Variants in PCGF3 observed in about 807,000 individuals in gnomAD.
PCGF3 encodes the protein polycomb group RING finger protein 3.
In PCGF3, 7 loss-of-function variants were observed where a neutral mutation model predicts 33.1. The observed-to-expected ratio is 0.21, with a 90% CI of 0.12 to 0.40. The LOEUF (loss-of-function observed/expected upper bound fraction) is 0.40. Ranked by LOEUF, PCGF3 falls within the 10% of genes least tolerant of loss-of-function variation. The pLI, the probability that PCGF3 is intolerant of heterozygous loss-of-function variation, is 1.00. For missense variants in PCGF3, 211 were observed against 313.3 expected (o/e 0.67, Z 2.46); for synonymous variants, 153 against 121.3 (o/e 1.26, Z -1.72).
At position 736,186 on chromosome 4, in the gene PCGF3, T is replaced by TA. The variant is rs1373435598; in HGVS notation, c.206+1160dup. On this transcript the variant is annotated intron_variant, in intron 5 of 10. Coordinates refer to ENST00000362003, the Ensembl canonical transcript of PCGF3. Reference sequence around the variant, plus strand: ...CCTCAGCCTCCCGAGTAGCTGGAATTACAGGCGCATGTCACCACGCCCAGC... The same window carrying TA: ...CCTCAGCCTCCCGAGTAGCTGGAATTAACAGGCGCATGTCACCACGCCCAGC... 2.0e-5 allele frequency among the ~76,000 whole-genome samples: 3 copies of TA among 152,216 alleles called. No homozygotes were observed. The East Asian group carries it at 5.8e-4, about 29-fold the overall frequency.
chr4:711,447 T>C (rs926267593), intron 1 of PCGF3, among the ~76,000 whole-genome samples: 1 of 91,500 alleles, frequency 1.1e-5, no homozygotes, highest in Admixed American at 1.1e-4. Flanking sequence ...ATTTTTCTTT[T>C]TTTTTTCTTT....
intron 1 of PCGF3, among the ~76,000 whole-genome samples, chr4:707,371 A>T (rs1228074968): frequency 6.6e-6 from 1 of 152,198 alleles, no homozygotes; most frequent in East Asian, 1.9e-4. Flanking sequence ...CATGACCATA[A>T]TTCAGGAGGA....
At chr4:766,309 C>A in exon 11 of PCGF3, 1 of 481,254 alleles carries the variant, frequency 2.1e-6, no homozygotes. Flanking sequence ...CTCTCCCCCG[C>A]CCCACCCCGT....
chr4:733,303 G>T (rs539510345), intron 3 of PCGF3, among the ~76,000 whole-genome samples: 1 of 152,366 alleles, frequency 6.6e-6, no homozygotes, highest in South Asian at 2.1e-4. Context: ...CTCTGCCTTC[G>T]CGGGCTCCTC....
chr4:733,943 C>G, intron 4 of PCGF3, 154 bp downstream of exon 4: 1 of 1,554,444 alleles, frequency 6.4e-7, no homozygotes. Context: ...GAAGATAAGT[C>G]AGAAAAGTCA....
chr4:727,012 C>T (rs1449165332), intron 1 of PCGF3, among the ~76,000 whole-genome samples: 3 of 152,130 alleles, frequency 2.0e-5, no homozygotes, highest in East Asian at 3.9e-4. Context: ...AACGTGTGTG[C>T]GCTCCTGCGT....
At position 728,222 on chromosome 4, in the gene PCGF3, G is replaced by A. The variant is rs527763036; in HGVS notation, c.-189-2408G>A. Among the ~76,000 whole-genome samples the A allele has an allele frequency of 2.0e-5, 3 of 152,266 alleles. No individual in the cohort carries two copies. The South Asian group carries it at 6.2e-4, about 32-fold the overall frequency. ...CAGTCAACACAGATTGAAAATGTTT[G>A]GGAACCAAAACAATAACAAATAACA... On this transcript the variant is annotated intron_variant, in intron 1 of 10. Coordinates refer to ENST00000362003, the Ensembl canonical transcript of PCGF3.
exon 11 of PCGF3, chr4:768,235 T>A (rs1745465723): frequency 6.6e-6 from 1 of 152,652 alleles, no homozygotes; most frequent in Non-Finnish European, 1.5e-5. Flanking sequence ...GAAGTCCCTA[T>A]TTTTCTAGGA....
chr4:751,352 G>A (rs780370061), intron 8 of PCGF3, among the ~76,000 whole-genome samples: 5 of 152,154 alleles, frequency 3.3e-5, no homozygotes, highest in Non-Finnish European at 7.3e-5. Context: ...AAGTTTTGAT[G>A]CGACGTTATA....
intron 1 of PCGF3, among the ~76,000 whole-genome samples, chr4:718,525 G>A (rs1189500962): frequency 2.0e-5 from 3 of 152,260 alleles, no homozygotes; most frequent in Non-Finnish European, 4.4e-5. Context: ...TGTAATCCCA[G>A]CTACTGAGAA....
At chr4:752,840 T>C (rs1321522307) in intron 8 of PCGF3, among the ~76,000 whole-genome samples, 1 of 152,222 alleles carries the variant, frequency 6.6e-6, no homozygotes, top group African/African-American at 2.4e-5. Context: ...CCCTGTCAGA[T>C]CCAAACACTC....
chr4:724,516 C>T (rs1456745342), intron 1 of PCGF3, among the ~76,000 whole-genome samples: 1 of 152,232 alleles, frequency 6.6e-6, no homozygotes, highest in East Asian at 1.9e-4. Flanking sequence ...TCATAAAATA[C>T]TCCAGGTGTT....
At chr4:729,036 G>A (rs922155239) in intron 1 of PCGF3, among the ~76,000 whole-genome samples, 1 of 146,976 alleles carries the variant, frequency 6.8e-6, no homozygotes, top group Admixed American at 7.0e-5. Flanking sequence ...GAAAGTGGAG[G>A]TTACAGTGAG....
chr4:715,592 G>C (rs1467961863), intron 1 of PCGF3, among the ~76,000 whole-genome samples: 1 of 121,318 alleles, frequency 8.2e-6, no homozygotes, highest in Non-Finnish European at 1.8e-5. Flanking sequence ...CACTGTGAGT[G>C]TGAGAACTGG....
intron 9 of PCGF3, chr4:761,672 T>G: frequency 1.0e-6 from 1 of 985,292 alleles, no homozygotes; most frequent in Non-Finnish European, 1.2e-6. Context: ...TGAGACTGTT[T>G]TAAAATAGGA....
chr4:711,526 C>T (rs1257398035), intron 1 of PCGF3, among the ~76,000 whole-genome samples: 2 of 142,350 alleles, frequency 1.4e-5, no homozygotes, highest in Admixed American at 7.0e-5. Context: ...GGCGCAATCT[C>T]GGCTCACTGC....
intron 7 of PCGF3, among the ~76,000 whole-genome samples, chr4:744,361 G>A (rs1239261226): frequency 1.3e-5 from 2 of 152,186 alleles, no homozygotes; most frequent in Admixed American, 6.5e-5. Context: ...CGGCTGCCCC[G>A]TCTCTGTCTC....
intron 8 of PCGF3, among the ~76,000 whole-genome samples, chr4:751,353 C>T (rs186283538): frequency 2.0e-5 from 3 of 152,230 alleles, no homozygotes; most frequent in Admixed American, 6.5e-5. Context: ...AGTTTTGATG[C>T]GACGTTATAG....
chr4:766,293 A>T (rs1426172317), exon 11 of PCGF3: 1 of 520,450 alleles, frequency 1.9e-6, no homozygotes, highest in African/African-American at 2.0e-5. Flanking sequence ...CCCAGAGCCG[A>T]TCGTCCTCTC....
Sources: allele counts gnomAD v4.1 joint callset (sites outside exome capture counted in the v4.1 genomes callset), GRCh38; gene constraint gnomAD v4.1.1; transcripts MANE v1.5; gene names NCBI Gene and HGNC (gene_info 2026-07-23, HGNC 2026-07-21).